The following TECPR2 variants were observed in gnomAD, a reference collection of about 807,000 sequenced individuals.
TECPR2 encodes tectonin beta-propeller repeat-containing protein 2.
A neutral mutation model predicts 138.1 loss-of-function variants in TECPR2; 65 were observed. The observed-to-expected ratio is 0.47, with a 90% CI of 0.39 to 0.58. TECPR2 has a LOEUF of 0.58. TECPR2 is among the 20% of genes least tolerant of loss of function. The probability of loss-of-function intolerance (pLI) is 0.00; values close to 1 mark genes in which losing one functional copy is unlikely to be tolerated. For synonymous variants in TECPR2, 746 were observed against 749.8 expected (o/e 0.99, Z 0.08); for missense variants, 1,553 against 1,824.5 (o/e 0.85, Z 2.71).
intron 2 of TECPR2, among the ~76,000 whole-genome samples, chr14:102,381,419 C>A (rs117701058): frequency 1.4e-3 from 218 of 152,258 alleles, no homozygotes; most frequent in Non-Finnish European, 2.4e-3. Flanking sequence ...ACTAAAAATA[C>A]AAAAATTAGC....
intron 2 of TECPR2, among the ~76,000 whole-genome samples, chr14:102,381,837 A>C (rs1359221560): frequency 1.3e-5 from 2 of 152,228 alleles, no homozygotes; most frequent in Non-Finnish European, 2.9e-5. Flanking sequence ...TTTAAAATAT[A>C]TTTGACAGTT....
chr14:102,495,558 G>C (rs952991807), intron 17 of TECPR2, among the ~76,000 whole-genome samples: 1 of 152,248 alleles, frequency 6.6e-6, no homozygotes, highest in Non-Finnish European at 1.5e-5. Flanking sequence ...AGGGCTGGGT[G>C]GGGAGGCCGG....
At chr14:102,417,910 G>A (rs1385253809) in intron 5 of TECPR2, among the ~76,000 whole-genome samples, 1 of 151,640 alleles carries the variant, frequency 6.6e-6, no homozygotes, top group East Asian at 1.9e-4. Context: ...GCCACGGGGA[G>A]GCTGCTGCAG....
At chr14:102,493,501 C>A (rs1479853753) in intron 17 of TECPR2, among the ~76,000 whole-genome samples, 1 of 152,218 alleles carries the variant, frequency 6.6e-6, no homozygotes, top group Non-Finnish European at 1.5e-5. Context: ...ACCTCTGAAC[C>A]CCAGGTCCAT....
intron 6 of TECPR2, among the ~76,000 whole-genome samples, chr14:102,426,177 C>T (rs1371567826): frequency 2.6e-5 from 4 of 151,940 alleles, no homozygotes; most frequent in Admixed American, 1.3e-4. Flanking sequence ...TGAACCGCCG[C>T]GCCCGGCCGC....
intron 17 of TECPR2, among the ~76,000 whole-genome samples, chr14:102,496,602 A>AG (rs1260096336): frequency 3.3e-5 from 5 of 152,180 alleles, no homozygotes; most frequent in Non-Finnish European, 7.4e-5. Context: ...GGCAGGTGGC[A>AG]GGGGCTCCTG....
rs553558733 is a variant in TECPR2, at chr14:102,485,015, GAA to G, written c.3790-11962_3790-11961del. On this transcript the variant is annotated intron_variant, in intron 17 of 19. Transcript: ENST00000359520. ...TGGTAGTGGTGCTTGAGAAGGGAGT[GAA>G]AGAGTAATTGTGTGCTCATTATCAT... Among the ~76,000 whole-genome samples the G allele has an allele frequency of 3.4e-3, 515 of 152,322 alleles. 5 individuals carry two copies. Among genetic ancestry groups the G allele is most frequent in the African/African-American group, 0.012 (503 of 41,554 alleles).
intron 11 of TECPR2, among the ~76,000 whole-genome samples, chr14:102,441,645 G>C (rs188525272): frequency 6.6e-6 from 1 of 151,994 alleles, no homozygotes; most frequent in Non-Finnish European, 1.5e-5. Flanking sequence ...AGCTGAGATC[G>C]CGCCACTGCA....
chr14:102,481,958 G>C (rs1890902770), intron 17 of TECPR2, among the ~76,000 whole-genome samples: 2 of 152,234 alleles, frequency 1.3e-5, no homozygotes. Context: ...CTTCACAGCG[G>C]AGGCAGGGGA....
intron 2 of TECPR2, among the ~76,000 whole-genome samples, chr14:102,406,708 A>G (rs1435107819): frequency 6.6e-6 from 1 of 152,004 alleles, no homozygotes; most frequent in Non-Finnish European, 1.5e-5. Context: ...AATTAAAATT[A>G]CCTGGGTGTG....
intron 16 of TECPR2, among the ~76,000 whole-genome samples, chr14:102,457,219 G>C (rs912622286): frequency 1.3e-5 from 2 of 152,042 alleles, no homozygotes; most frequent in Non-Finnish European, 2.9e-5. Flanking sequence ...CGAGTAGCTG[G>C]GATGACAGGC....
intron 4 of TECPR2, among the ~76,000 whole-genome samples, chr14:102,411,682 TAAAC>T (rs1595110280): frequency 2.3e-5 from 1 of 44,414 alleles, no homozygotes; most frequent in African/African-American, 1.1e-4. Context: ...CCAGGTGAAA[TAAAC>T]AGCCATGTTG....
At chr14:102,378,268 A>G (rs545921886) in intron 2 of TECPR2, among the ~76,000 whole-genome samples, 1 of 152,352 alleles carries the variant, frequency 6.6e-6, no homozygotes, top group East Asian at 1.9e-4. Context: ...TATTCAATAT[A>G]TTAAAGTTTT....
At position 102,420,568 on chromosome 14, in the gene TECPR2, G is replaced by A. The variant is rs1048928748; in HGVS notation, c.639-4411G>A. The stretch of plus-strand genomic sequence containing the variant: ...GCTCACTGCAGCCTTGAACAGCTGG[G>A]TTCAGGCGATCCTCCTCCCTCAGCC... On this transcript the variant is annotated intron_variant, in intron 5 of 19. Transcript: ENST00000359520. This position sits in a 1 kb window ranked among gnomAD's most constrained non-coding sequence, Gnocchi z 4.1. Among the ~76,000 whole-genome samples the A allele has an allele frequency of 6.6e-6, 1 of 152,118 alleles. No homozygotes were observed. Among genetic ancestry groups the A allele is most frequent in the African/African-American group, 2.4e-5 (1 of 41,396 alleles).
intron 16 of TECPR2, among the ~76,000 whole-genome samples, chr14:102,462,372 C>T (rs1890429332): frequency 6.6e-6 from 1 of 152,168 alleles, no homozygotes; most frequent in African/African-American, 2.4e-5. Context: ...CCCGGTAAAA[C>T]ATTCTGTACA....
At chr14:102,409,051 G>A (rs1196118872) in intron 4 of TECPR2, among the ~76,000 whole-genome samples, 1 of 152,226 alleles carries the variant, frequency 6.6e-6, no homozygotes, top group African/African-American at 2.4e-5. Context: ...GTATGGTGAA[G>A]ATGAAGAAAC....
chr14:102,451,948 T>A (rs1890154407), intron 15 of TECPR2, among the ~76,000 whole-genome samples: 1 of 151,830 alleles, frequency 6.6e-6, no homozygotes. Context: ...GAGAGCACCA[T>A]GGCGCCATCC....
chr14:102,411,267 TATTA>T (rs1222290037), intron 4 of TECPR2, among the ~76,000 whole-genome samples: 2 of 152,256 alleles, frequency 1.3e-5, no homozygotes, highest in Non-Finnish European at 2.9e-5. Context: ...TTATTTTTCT[TATTA>T]ATATAAGAAG....
At chr14:102,468,178 T>C (rs1367700091) in intron 17 of TECPR2, among the ~76,000 whole-genome samples, 2 of 151,402 alleles carry the variant, frequency 1.3e-5, no homozygotes, top group Non-Finnish European at 2.9e-5. Context: ...AATTGTGTTA[T>C]CTTTTACTGA....
Sources: gnomAD v4.1 joint callset for allele counts (sites outside exome capture counted in the v4.1 genomes callset) on GRCh38, gnomAD v4.1.1 for gene constraint, Gnocchi (gnomAD v3.1) non-coding constraint, MANE v1.5 for transcripts, NCBI Gene and HGNC (gene_info 2026-07-23, HGNC 2026-07-21) for gene names.